GRB14: variants seen among roughly 807,000 people sequenced by gnomAD.
GRB14 encodes the protein growth factor receptor bound protein 14.
A neutral mutation model predicts 69.1 loss-of-function variants in GRB14; 38 were observed. The ratio of observed to expected loss-of-function variants is 0.55; its 90% CI spans 0.42 to 0.72. The LOEUF (loss-of-function observed/expected upper bound fraction) is 0.72. GRB14 is among the 30% of genes least tolerant of loss of function. GRB14 has a pLI of 0.00. For missense variants in GRB14, 666 were observed against 666.1 expected (o/e 1.00, Z 0.00); for synonymous variants, 247 against 241.3 (o/e 1.02, Z -0.22).
At chr2:164,553,900 GC>G (rs1688609287) in intron 2 of GRB14, among the ~76,000 whole-genome samples, 1 of 152,126 alleles carries the variant, frequency 6.6e-6, no homozygotes, top group African/African-American at 2.4e-5. Flanking sequence ...GTTGCGGTGA[GC>G]CAAGATCGCG....
intron 8 of GRB14, among the ~76,000 whole-genome samples, chr2:164,508,174 A>T (rs1473502221): frequency 6.6e-6 from 1 of 152,242 alleles, no homozygotes; most frequent in Non-Finnish European, 1.5e-5. Context: ...CATTTCATTC[A>T]GTTACACTGG....
intron 2 of GRB14, among the ~76,000 whole-genome samples, chr2:164,584,147 A>ATTTTTTTTTTTT (rs55883951): frequency 2.4e-4 from 12 of 49,900 alleles, no homozygotes; most frequent in East Asian, 6.3e-4. Flanking sequence ...CAGCCTGGCT[A>ATTTTTTTTTTTT]TTTTTTTTTT....
chr2:164,497,112 G>C lies in GRB14; in HGVS notation c.1295-17C>G. 1 of 1,608,682 alleles carries C rather than the reference G, an allele frequency of 6.2e-7. No individual in the cohort carries two copies. Among genetic ancestry groups the C allele is most frequent in the Non-Finnish European group, 8.5e-7 (1 of 1,175,154 alleles). ...GGTGGATAGCTAAAGAAATAGGATGGATGAATGCAAAGCTTTGTTTGAGAT... is the reference window on the plus strand; with the variant it reads ...GGTGGATAGCTAAAGAAATAGGATGCATGAATGCAAAGCTTTGTTTGAGAT... On this transcript the variant is annotated splice_polypyrimidine_tract_variant and intron_variant, in intron 11 of 13. Coordinates refer to ENST00000263915, the MANE Select transcript of GRB14 (RefSeq NM_004490.3).
intron 6 of GRB14, among the ~76,000 whole-genome samples, chr2:164,512,058 T>G (rs1397824828): frequency 1.3e-5 from 2 of 152,106 alleles, no homozygotes; most frequent in African/African-American, 4.8e-5. Flanking sequence ...CAGTGAAAAG[T>G]GGGGGGAAGA....
At position 164,497,493 on chromosome 2, in the gene GRB14, G is replaced by A; in HGVS notation, c.1105-3C>T. On this transcript the variant is annotated splice_polypyrimidine_tract_variant and splice_region_variant and intron_variant, in intron 9 of 13. Coordinates refer to ENST00000263915, the MANE Select transcript of GRB14 (RefSeq NM_004490.3). ...AGGGAATTCTCTGATATACTTCTCT[G>A]GAAAAAAGAAACACATTTGAGTTAT... 6.5e-7 allele frequency: 1 copy of A among 1,528,584 alleles called. No individual in the cohort carries two copies. Among genetic ancestry groups the A allele is most frequent in the Non-Finnish European group, 8.9e-7 (1 of 1,118,062 alleles). The allele number at this position is 1,528,584 out of a possible 1,614,324, so 94.7% of individuals were successfully genotyped here.
intron 6 of GRB14, among the ~76,000 whole-genome samples, chr2:164,521,286 G>A (rs1177891915): frequency 6.6e-6 from 1 of 152,080 alleles, no homozygotes; most frequent in Non-Finnish European, 1.5e-5. Flanking sequence ...AAAATTGTAT[G>A]TTCTCACCCA....
intron 9 of GRB14, among the ~76,000 whole-genome samples, chr2:164,498,600 G>A (rs1018672765): frequency 1.3e-5 from 2 of 152,066 alleles, no homozygotes; most frequent in African/African-American, 4.8e-5. Context: ...TAATAGAAGA[G>A]CAAAACCCAA....
At chr2:164,579,632 T>A (rs1051782520) in intron 2 of GRB14, among the ~76,000 whole-genome samples, 3 of 152,044 alleles carry the variant, frequency 2.0e-5, no homozygotes, top group Non-Finnish European at 4.4e-5. Flanking sequence ...AGAACCCACA[T>A]AGACATACAG....
At chr2:164,507,223 A>T (rs1471917219) in intron 8 of GRB14, among the ~76,000 whole-genome samples, 1 of 152,172 alleles carries the variant, frequency 6.6e-6, no homozygotes, top group East Asian at 1.9e-4. Flanking sequence ...ATGCTAGGAA[A>T]AAGTCAACAG....
At chr2:164,559,951 A>C (rs1688779202) in intron 2 of GRB14, among the ~76,000 whole-genome samples, 1 of 152,208 alleles carries the variant, frequency 6.6e-6, no homozygotes, top group Admixed American at 6.5e-5. Context: ...ACAGTGTTGT[A>C]AAAGAAATGG....
intron 2 of GRB14, among the ~76,000 whole-genome samples, chr2:164,574,211 T>C (rs73028055): frequency 0.029 from 4,378 of 151,688 alleles, 201 homozygotes; most frequent in African/African-American, 0.1. Context: ...ACTCTAACAG[T>C]GAAGTAACCA....
chr2:164,598,095 ATCT>A (rs1689827702), intron 2 of GRB14, among the ~76,000 whole-genome samples: 1 of 152,042 alleles, frequency 6.6e-6, no homozygotes, highest in Non-Finnish European at 1.5e-5. Context: ...CTAAGAAGAC[ATCT>A]TCTGCAAGCT....
At chr2:164,506,034 T>G (rs1414902558) in intron 8 of GRB14, among the ~76,000 whole-genome samples, 8 of 152,174 alleles carry the variant, frequency 5.3e-5, no homozygotes. Context: ...ACATCCTCTT[T>G]GCAGCCTAGC....
chr2:164,591,955 T>C (rs1257354637), intron 2 of GRB14, among the ~76,000 whole-genome samples: 1 of 152,148 alleles, frequency 6.6e-6, no homozygotes, highest in African/African-American at 2.4e-5. Context: ...TCATGAGACC[T>C]GATGATTTTA....
chr2:164,527,113 T>C lies in GRB14; in HGVS notation c.504A>G (p.Glu168=). The change falls in exon 4 of 14, where the codon GAA becomes GAG. Residue 168 remains glutamate, a synonymous_variant. Coordinates refer to ENST00000263915, the MANE Select transcript of GRB14 (RefSeq NM_004490.3). ...AGTTGGATAGCACTTCAATCACCAG[T>C]TCGTGGTCTTCTATTGTTCTTTCTG... ...IGVERTIEDH[E]LVIEVLSNWG... 1 of 1,575,384 alleles carries C rather than the reference T, an allele frequency of 6.3e-7. No individual in the cohort carries two copies. Among genetic ancestry groups the C allele is most frequent in the Non-Finnish European group, 8.7e-7 (1 of 1,152,312 alleles).
In GRB14 at chr2:164,494,541, A is replaced by G; in HGVS notation, c.1383-17T>C. ...AAGAAAACTCTAAAGAGAGAGAAGGAATTTCAATGTTTCTATATTTACTCA... is the reference window on the plus strand; with the variant it reads ...AAGAAAACTCTAAAGAGAGAGAAGGGATTTCAATGTTTCTATATTTACTCA... On this transcript the variant is annotated splice_polypyrimidine_tract_variant and intron_variant, in intron 12 of 13. Transcript: ENST00000263915. 1 of 1,219,274 alleles carries G rather than the reference A, an allele frequency of 8.2e-7. No homozygotes were observed. The highest frequency in any genetic ancestry group is 1.2e-6 in the Non-Finnish European group (1 of 820,736). The allele number at this position is 1,219,274 out of a possible 1,614,324, so 75.5% of individuals were successfully genotyped here. A position where few individuals can be genotyped will look rare whatever the true frequency, so the allele number is the denominator to read the frequency against.
intron 2 of GRB14, among the ~76,000 whole-genome samples, chr2:164,560,143 G>A (rs1688784211): frequency 6.6e-6 from 1 of 152,132 alleles, no homozygotes; most frequent in Non-Finnish European, 1.5e-5. Flanking sequence ...CCCACCTGAT[G>A]CTGTATTCTT....
chr2:164,513,918 A>T (rs556844586), intron 6 of GRB14, among the ~76,000 whole-genome samples: 1 of 152,258 alleles, frequency 6.6e-6, no homozygotes, highest in African/African-American at 2.4e-5. Flanking sequence ...AAATGTCAAC[A>T]CTTGTATGCC....
intron 6 of GRB14, among the ~76,000 whole-genome samples, chr2:164,515,697 A>T (rs943163638): frequency 6.6e-6 from 1 of 152,082 alleles, no homozygotes. Flanking sequence ...CCAGCAATGG[A>T]TCCAAACCAA....
Sources: allele counts gnomAD v4.1 joint callset (sites outside exome capture counted in the v4.1 genomes callset), GRCh38; gene constraint gnomAD v4.1.1; transcripts MANE v1.5; gene names NCBI Gene and HGNC (gene_info 2026-07-23, HGNC 2026-07-21).